Variants in NRXN1 observed in about 807,000 individuals in gnomAD.
NRXN1 encodes the protein neurexin 1.
A neutral mutation model predicts 150.9 loss-of-function variants in NRXN1; 39 were observed. The observed-to-expected ratio is 0.26, with a 90% confidence interval of 0.20 to 0.34. NRXN1 has a LOEUF of 0.34. Among genes scored for constraint, NRXN1 ranks in the 10% least tolerant of loss-of-function variants. The probability of loss-of-function intolerance (pLI) is 1.00; values close to 1 mark genes in which losing one functional copy is unlikely to be tolerated. For missense variants in NRXN1, 1,815 were observed against 1,949.9 expected (o/e 0.93, Z 1.30); for synonymous variants, 924 against 757.0 (o/e 1.22, Z -3.62).
chr2:49,969,579 T>A (rs561122523), intron 21 of NRXN1: 1 of 152,050 alleles, frequency 6.6e-6, no homozygotes, highest in Non-Finnish European at 1.5e-5. Flanking sequence ...ATATAATCTA[T>A]ACATTTGCAT....
chr2:50,827,895 CAT>C (rs1229262336), intron 5 of NRXN1, among the ~76,000 whole-genome samples: 2 of 148,328 alleles, frequency 1.3e-5, no homozygotes, highest in Non-Finnish European at 3.0e-5. Flanking sequence ...GGACACAGCA[CAT>C]GTTTCAGAGA....
intron 17 of NRXN1, among the ~76,000 whole-genome samples, chr2:50,294,269 C>G (rs915097984): frequency 6.6e-6 from 1 of 152,228 alleles, no homozygotes; most frequent in South Asian, 2.1e-4. Context: ...ATCTGTATAG[C>G]AGTGTACATT....
At chr2:50,934,247 C>T (rs540371453) in intron 2 of NRXN1, among the ~76,000 whole-genome samples, 6 of 151,976 alleles carry the variant, frequency 3.9e-5, no homozygotes, top group East Asian at 1.9e-4. Flanking sequence ...CAAAAGTTAA[C>T]GTGAATAGAA....
intron 18 of NRXN1, among the ~76,000 whole-genome samples, chr2:50,132,495 C>T (rs1250362697): frequency 6.6e-6 from 1 of 151,938 alleles, no homozygotes; most frequent in Non-Finnish European, 1.5e-5. Context: ...TTAGTAGAGA[C>T]AGGGTTTCAT....
chr2:50,815,848 G>T (rs1267493686), intron 5 of NRXN1, among the ~76,000 whole-genome samples: 1 of 152,076 alleles, frequency 6.6e-6, no homozygotes, highest in Non-Finnish European at 1.5e-5. Context: ...AATCCCCAGT[G>T]CCCATCTTCC....
At position 50,307,056 on chromosome 2, in the gene NRXN1, C is replaced by T. The variant is rs544743773; in HGVS notation, c.3365-70086G>A. ...CTGGAGTGCAGTGGCGTGATCTTGG[C>T]TTACTGCAACCTCTGCCTCCCGGGT... On this transcript the variant is annotated intron_variant, in intron 17 of 22. Coordinates refer to ENST00000401669, the MANE Select transcript of NRXN1 (RefSeq NM_001330078.2). Among the ~76,000 whole-genome samples, 5 of 152,198 alleles carry T rather than the reference C, an allele frequency of 3.3e-5. 1 individual carries two copies. In the South Asian group the frequency reaches 1.0e-3, roughly 32 times the overall value.
intron 2 of NRXN1, among the ~76,000 whole-genome samples, chr2:51,023,952 C>CA (rs1003581535): frequency 2.9e-4 from 44 of 151,334 alleles, no homozygotes; most frequent in African/African-American, 9.7e-4. Context: ...AGAGAACATG[C>CA]AAAAAAAAGT....
chr2:50,169,588 C>A (rs1313408229), intron 18 of NRXN1, among the ~76,000 whole-genome samples: 1 of 151,660 alleles, frequency 6.6e-6, no homozygotes. Flanking sequence ...TAGTGGGCAC[C>A]TGTAATCCCA....
Position 50,672,689 on chromosome 2 carries a change from T to G in NRXN1, c.833-49074A>C, listed in dbSNP as rs567034354. 5.9e-5 allele frequency among the ~76,000 whole-genome samples: 9 copies of G among 152,162 alleles called. 1 individual carries two copies. The South Asian group carries it at 1.9e-3, about 32-fold the overall frequency. On this transcript the variant is annotated intron_variant, in intron 5 of 22. Coordinates refer to ENST00000401669, the MANE Select transcript of NRXN1 (RefSeq NM_001330078.2). ...TAAATGAAGACAAAATGATGTTCAG[T>G]TGAATTTCCCAGCTCTGTTATAGAT...
chr2:50,230,729 T>G (rs1357508165), intron 18 of NRXN1, among the ~76,000 whole-genome samples: 1 of 152,044 alleles, frequency 6.6e-6, no homozygotes, highest in African/African-American at 2.4e-5. Flanking sequence ...AATGACACAC[T>G]AAAGATGATG....
At chr2:50,432,361 G>A (rs1437902785) in intron 17 of NRXN1, 1 of 152,102 alleles carries the variant, frequency 6.6e-6, no homozygotes, top group Non-Finnish European at 1.5e-5. Context: ...TCCCTCCAAA[G>A]AAATACTGTC....
intron 12 of NRXN1, among the ~76,000 whole-genome samples, chr2:50,507,845 A>G (rs1238963190): frequency 1.3e-5 from 2 of 152,070 alleles, no homozygotes; most frequent in Non-Finnish European, 2.9e-5. Flanking sequence ...AGGGCATTAT[A>G]TCATTGAGTT....
At chr2:50,916,279 G>A (rs535035590) in intron 5 of NRXN1, among the ~76,000 whole-genome samples, 3 of 150,842 alleles carry the variant, frequency 2.0e-5, no homozygotes, top group Non-Finnish European at 3.0e-5. Context: ...AACACAAAGA[G>A]GGACAATATT....
intron 18 of NRXN1, among the ~76,000 whole-genome samples, chr2:50,181,933 T>C (rs970326721): frequency 6.6e-6 from 1 of 151,984 alleles, no homozygotes. Flanking sequence ...AAGATAGTTT[T>C]TAAAAAGTTC....
chr2:50,043,211 T>C (rs1360129995), intron 21 of NRXN1, among the ~76,000 whole-genome samples: 2 of 152,148 alleles, frequency 1.3e-5, no homozygotes, highest in Non-Finnish European at 1.5e-5. Context: ...CATAAGATAA[T>C]TGAGCCATTA....
intron 5 of NRXN1, among the ~76,000 whole-genome samples, chr2:50,654,442 G>A (rs571904184): frequency 7.2e-5 from 11 of 151,948 alleles, no homozygotes; most frequent in Admixed American, 1.3e-4. Context: ...TTGGACATTT[G>A]GCTTGGTTCC....
At chr2:49,988,485 A>G (rs1681334985) in intron 21 of NRXN1, among the ~76,000 whole-genome samples, 1 of 152,100 alleles carries the variant, frequency 6.6e-6, no homozygotes, top group African/African-American at 2.4e-5. Flanking sequence ...TTGCTTTCAG[A>G]AGAGTTTTAC....
At chr2:50,501,821 G>A (rs957575809) in intron 13 of NRXN1, among the ~76,000 whole-genome samples, 1 of 152,120 alleles carries the variant, frequency 6.6e-6, no homozygotes, top group Non-Finnish European at 1.5e-5. Flanking sequence ...CCTAGGTGAG[G>A]TGCAAACATT....
At chr2:50,753,852 T>C (rs2105343336) in intron 5 of NRXN1, among the ~76,000 whole-genome samples, 1 of 151,376 alleles carries the variant, frequency 6.6e-6, no homozygotes, top group South Asian at 2.1e-4. Context: ...GTGTGTAAAG[T>C]GTGACTGACA....
Sources: gnomAD v4.1 joint callset for allele counts (sites outside exome capture counted in the v4.1 genomes callset) on GRCh38, gnomAD v4.1.1 for gene constraint, MANE v1.5 for transcripts, NCBI Gene and HGNC (gene_info 2026-07-23, HGNC 2026-07-21) for gene names.